The following SNTG2 variants were observed in gnomAD, a reference collection of about 807,000 sequenced individuals.
SNTG2 encodes syntrophin gamma 2.
Under a neutral mutation model 70.9 loss-of-function variants are expected in SNTG2, and 74 were observed. The ratio of observed to expected loss-of-function variants is 1.04; its 90% confidence interval spans 0.86 to 1.27. The LOEUF is 1.27. SNTG2 is among the 50% of genes most tolerant of loss of function. The probability of loss-of-function intolerance (pLI) is 0.00; values close to 1 mark genes in which losing one functional copy is unlikely to be tolerated. For missense variants in SNTG2, 717 were observed against 690.7 expected (o/e 1.04, Z -0.43); for synonymous variants, 278 against 273.8 (o/e 1.02, Z -0.15).
At chr2:1,366,656 C>T (rs1472624668) in intron 16 of SNTG2, among the ~76,000 whole-genome samples, 2 of 152,154 alleles carry the variant, frequency 1.3e-5, no homozygotes, top group Admixed American at 1.3e-4. Context: ...TGAACAAGGC[C>T]CCTCCTCGCT....
intron 1 of SNTG2, among the ~76,000 whole-genome samples, chr2:955,143 A>G (rs1239233015): frequency 6.6e-6 from 1 of 152,210 alleles, no homozygotes; most frequent in Non-Finnish European, 1.5e-5. Flanking sequence ...TTTATCTGTT[A>G]TACTTTGTAA....
intron 4 of SNTG2, among the ~76,000 whole-genome samples, chr2:1,099,589 C>CGGTG (rs1665628799): frequency 7.1e-6 from 1 of 140,830 alleles, no homozygotes; most frequent in African/African-American, 2.8e-5. Context: ...AAGGTGGGTG[C>CGGTG]AGTGAGGGCA....
intron 1 of SNTG2, among the ~76,000 whole-genome samples, chr2:1,020,731 G>A (rs1177390073): frequency 6.6e-6 from 1 of 152,104 alleles, no homozygotes; most frequent in Non-Finnish European, 1.5e-5. Context: ...CCTCAAACAT[G>A]TCAAACTGTC....
chr2:1,200,398 C>G (rs538627236), intron 8 of SNTG2, among the ~76,000 whole-genome samples: 2 of 152,058 alleles, frequency 1.3e-5, no homozygotes, highest in East Asian at 1.9e-4. Flanking sequence ...AACGTGAGAT[C>G]CAAAATTATA....
At chr2:1,005,140 A>G (rs765495492) in intron 1 of SNTG2, among the ~76,000 whole-genome samples, 5 of 152,208 alleles carry the variant, frequency 3.3e-5, no homozygotes, top group Non-Finnish European at 7.3e-5. Context: ...GCAGAACTCT[A>G]GAGACAGTAA....
intron 1 of SNTG2, among the ~76,000 whole-genome samples, chr2:1,076,958 C>T (rs1663958447): frequency 6.6e-6 from 1 of 152,182 alleles, no homozygotes; most frequent in African/African-American, 2.4e-5. Flanking sequence ...GCTATATTTA[C>T]ATGTATGTAC....
intron 11 of SNTG2, among the ~76,000 whole-genome samples, chr2:1,244,654 C>A (rs1677294315): frequency 7.9e-6 from 1 of 126,348 alleles, no homozygotes; most frequent in African/African-American, 3.5e-5. Flanking sequence ...CAAGATTGCA[C>A]CACTGCACTC....
At chr2:1,099,706 G>C (rs990800595) in intron 4 of SNTG2, among the ~76,000 whole-genome samples, 3 of 152,212 alleles carry the variant, frequency 2.0e-5, no homozygotes, top group African/African-American at 7.2e-5. Flanking sequence ...TCATGGTCAG[G>C]TCAGCCATGT....
At chr2:1,203,502 A>T (rs1485127567) in intron 8 of SNTG2, among the ~76,000 whole-genome samples, 2 of 149,522 alleles carry the variant, frequency 1.3e-5, no homozygotes, top group Non-Finnish European at 3.0e-5. Flanking sequence ...TACTTAAAAA[A>T]AAAAAGCCAG....
chr2:1,185,336 G>C (rs1672179868), intron 8 of SNTG2, among the ~76,000 whole-genome samples: 1 of 152,128 alleles, frequency 6.6e-6, no homozygotes, highest in Middle Eastern at 3.2e-3. Context: ...TATCATTCTG[G>C]GGTCTGGAGG....
rs569966505 is a variant in SNTG2 at position 981,119 on chromosome 2, T to G, written c.72+30051T>G. Among the ~76,000 whole-genome samples, 21 of 152,324 alleles carry G rather than the reference T, an allele frequency of 1.4e-4. No homozygotes were observed. In the South Asian group the frequency reaches 4.4e-3, roughly 32 times the overall value. On this transcript the variant is annotated intron_variant, in intron 1 of 16. Coordinates refer to ENST00000308624, the MANE Select transcript of SNTG2 (RefSeq NM_018968.4). ...GCTTCTCAGGTACCATTTTTACTACTGTTCAGACTCATTCTATTGTAGCTT... is the reference window on the plus strand; with the variant it reads ...GCTTCTCAGGTACCATTTTTACTACGGTTCAGACTCATTCTATTGTAGCTT...
At chr2:1,239,027 A>G (rs772306388) in intron 10 of SNTG2, among the ~76,000 whole-genome samples, 2 of 152,364 alleles carry the variant, frequency 1.3e-5, no homozygotes, top group Non-Finnish European at 2.9e-5. Context: ...CAGAGAAGGA[A>G]GTACCAGGAC....
rs773863342 is a variant in SNTG2, at chr2:990,923, G to C, written c.72+39855G>C. ...TAGTCATTAACTCTTTATTTTTGCA[G>C]GTTGGAAGGCATATATTGTATTATT... On this transcript the variant is annotated intron_variant, in intron 1 of 16. Transcript: ENST00000308624. Among the ~76,000 whole-genome samples, 3 of 150,900 alleles carry C rather than the reference G, an allele frequency of 2.0e-5. No individual in the cohort carries two copies. In the South Asian group the frequency reaches 6.3e-4, roughly 31 times the overall value.
chr2:1,048,127 C>G (rs564145885), intron 1 of SNTG2, among the ~76,000 whole-genome samples: 1 of 152,032 alleles, frequency 6.6e-6, no homozygotes, highest in South Asian at 2.1e-4. Context: ...TTTCCTTCAC[C>G]TCATCATAGT....
intron 1 of SNTG2, among the ~76,000 whole-genome samples, chr2:1,028,372 T>C (rs981245969): frequency 1.3e-5 from 2 of 152,272 alleles, no homozygotes; most frequent in Non-Finnish European, 2.9e-5. Context: ...CTACGCTTAC[T>C]GAACCTTTAG....
At chr2:1,005,196 C>T (rs1383617878) in intron 1 of SNTG2, among the ~76,000 whole-genome samples, 1 of 151,960 alleles carries the variant, frequency 6.6e-6, no homozygotes, top group African/African-American at 2.4e-5. Flanking sequence ...GGTGGAGCAC[C>T]GAGGATGTTC....
At chr2:1,143,466 T>G (rs4971387) in intron 6 of SNTG2, among the ~76,000 whole-genome samples, 3 of 151,590 alleles carry the variant, frequency 2.0e-5, no homozygotes, top group African/African-American at 7.3e-5. Context: ...GTCAGGAAAA[T>G]GGGAGCAGCT....
At chr2:1,060,671 G>A (rs1049713425) in intron 1 of SNTG2, among the ~76,000 whole-genome samples, 1 of 152,164 alleles carries the variant, frequency 6.6e-6, no homozygotes, top group Non-Finnish European at 1.5e-5. Flanking sequence ...ACCTAAGAAT[G>A]ATACTAAATT....
chr2:1,118,603 C>G (rs1333070384), intron 4 of SNTG2, among the ~76,000 whole-genome samples: 2 of 151,446 alleles, frequency 1.3e-5, no homozygotes, highest in Non-Finnish European at 1.5e-5. Context: ...CTGAATAACT[C>G]AATGAAATCA....
Sources: allele counts gnomAD v4.1 joint callset (sites outside exome capture counted in the v4.1 genomes callset), GRCh38; gene constraint gnomAD v4.1.1; transcripts MANE v1.5; gene names NCBI Gene and HGNC (gene_info 2026-07-23, HGNC 2026-07-21).